The following SYNM variants were observed in gnomAD, a reference collection of about 807,000 sequenced individuals.
SYNM encodes the protein desmuslin.
Under a neutral mutation model 104.0 loss-of-function variants are expected in SYNM, and 95 were observed. That is an observed-to-expected ratio of 0.91 (90% CI 0.77 to 1.08). SYNM has a LOEUF of 1.08. SYNM is among the 50% of genes least tolerant of loss of function. The probability of loss-of-function intolerance (pLI) is 0.00; values close to 1 mark genes in which losing one functional copy is unlikely to be tolerated. For synonymous variants in SYNM, 918 were observed against 869.0 expected, an observed-to-expected ratio of 1.06 and a Z score of -0.99; for missense variants, 2,150 against 2,052.2, an observed-to-expected ratio of 1.05 and a Z score of -0.92.
At chr15:99,117,592 C>T (rs1484411148) in intron 2 of SYNM, among the ~76,000 whole-genome samples, 3 of 152,224 alleles carry the variant, frequency 2.0e-5, no homozygotes, top group Non-Finnish European at 4.4e-5. Flanking sequence ...TAATAGTTCT[C>T]TGAGTTAGAA....
chr15:99,110,130 G>T (rs892734503), intron 1 of SYNM, among the ~76,000 whole-genome samples: 1 of 152,352 alleles, frequency 6.6e-6, no homozygotes, highest in African/African-American at 2.4e-5. Context: ...CAGATTGAAT[G>T]TGATGGGAGA....
At chr15:99,116,004 G>C (rs782414926) in intron 2 of SYNM, among the ~76,000 whole-genome samples, 24 of 152,286 alleles carry the variant, frequency 1.6e-4, no homozygotes, top group African/African-American at 2.2e-4. Context: ...CTGCTAAGGG[G>C]TGAGGCCTTC....
At chr15:99,115,070 G>C (rs2067334798) in intron 2 of SYNM, among the ~76,000 whole-genome samples, 1 of 152,206 alleles carries the variant, frequency 6.6e-6, no homozygotes, top group Non-Finnish European at 1.5e-5. Context: ...GAGAGGCCGG[G>C]AGGTTGGGGC....
rs2067231275 is a variant in SYNM at position 99,105,774 on chromosome 15, C to T, written c.575C>T (p.Ala192Val). The T allele has an allele frequency of 6.5e-7, 1 of 1,541,548 alleles. No homozygotes were observed. Among genetic ancestry groups the T allele is most frequent in the Admixed American group, 2.0e-5 (1 of 50,758 alleles). Residue 192 changes from alanine (A) to valine (V), a missense_variant, in exon 1 of 4, where the codon GCC becomes GTC. Transcript: ENST00000336292. The part of the protein sequence containing the change: ...EVHDSYALLV[A>V]ESWRETVQLY... ...CACGACAGCTACGCACTGCTGGTGG[C>T]CGAGTCGTGGCGGGAGACGGTGCAG... is the stretch of plus-strand genomic sequence containing the variant.
rs996833107 is a variant in SYNM, at chr15:99,135,179, T to C, written c.*2121T>C. On this transcript the variant is annotated 3_prime_UTR_variant, in exon 4 of 4. Coordinates refer to ENST00000336292, the MANE Select transcript of SYNM (RefSeq NM_145728.3). ...GAAATATCTTGGATCTTAATTATCA[T>C]CTGCAAGTTTCAAGAAGTATTCTGC... is the stretch of plus-strand genomic sequence containing the variant. The C allele has an allele frequency of 3.9e-5, 6 of 152,782 alleles. 1 individual carries two copies. Among genetic ancestry groups the C allele is most frequent in the Admixed American group, 3.9e-4 (6 of 15,302 alleles). 9.5% of individuals were successfully genotyped at this position (152,782 alleles called of 1,614,324 possible).
chr15:99,132,452 C>A lies in SYNM; in HGVS notation c.4092C>A (p.Thr1364=), dbSNP rs561622976. Residue 1364 remains threonine (T), a synonymous_variant, in exon 4 of 4, where the codon ACC becomes ACA. Coordinates refer to ENST00000336292, the MANE Select transcript of SYNM (RefSeq NM_145728.3). ...ACAGTCATACCTCGGGTAGACAAAC[C>A]GTTATGACTGAAAAGAGCACCTTCC... is the stretch of plus-strand genomic sequence containing the variant. ...ATHSHTSGRQ[T]VMTEKSTFQS... 11 of 1,613,980 alleles carry A rather than the reference C, an allele frequency of 6.8e-6. No homozygotes were observed. The East Asian group carries it at 1.6e-4, about 23-fold the overall frequency.
chr15:99,129,306 G>A, intron 3 of SYNM, 61 bp from the exon 4 acceptor site: 2 of 1,578,760 alleles, frequency 1.3e-6, no homozygotes, highest in South Asian at 2.3e-5. Context: ...AACAATGCTT[G>A]TAGATGGAAA....
chr15:99,130,077 C>A lies in SYNM; in HGVS notation c.1717C>A (p.Arg573=), dbSNP rs782728980. The A allele has an allele frequency of 1.9e-5, 31 of 1,613,414 alleles. No homozygotes were observed. The South Asian group carries it at 3.3e-4, about 17-fold the overall frequency. Residue 573 remains arginine, a synonymous_variant, in exon 4 of 4, where the codon CGA becomes AGA. Coordinates refer to ENST00000336292, the MANE Select transcript of SYNM (RefSeq NM_145728.3). ...EKDSPKEKSV[R]EREVPISLEV... is the part of the protein sequence containing the mutation. ...GGACTCACCGAAGGAGAAGAGCGTG[C>A]GAGAGAGAGAGGTGCCGATTAGTCT...
chr15:99,121,543 G>T (rs1174043243), intron 2 of SYNM, among the ~76,000 whole-genome samples: 2 of 152,124 alleles, frequency 1.3e-5, no homozygotes, highest in African/African-American at 4.8e-5. Flanking sequence ...GTGAATAATC[G>T]GATGATAATT....
At chr15:99,118,090 T>C (rs868919244) in intron 2 of SYNM, among the ~76,000 whole-genome samples, 1 of 152,104 alleles carries the variant, frequency 6.6e-6, no homozygotes, top group South Asian at 2.1e-4. Context: ...CCCTGCTGGG[T>C]AGGATCGCTG....
intron 2 of SYNM, among the ~76,000 whole-genome samples, chr15:99,123,719 AC>A (rs2067422477): frequency 6.6e-6 from 1 of 152,104 alleles, no homozygotes; most frequent in Non-Finnish European, 1.5e-5. Context: ...CCCGTGAATC[AC>A]CCACAGGCCC....
intron 2 of SYNM, among the ~76,000 whole-genome samples, chr15:99,124,842 A>G (rs1477549400): frequency 5.3e-5 from 8 of 152,180 alleles, no homozygotes; most frequent in Admixed American, 5.2e-4. Context: ...GTGTAAGTAC[A>G]TGAGTGACCA....
In SYNM at chr15:99,132,689, C is replaced by G; in HGVS notation, c.4329C>G (p.Asp1443Glu). 1 of 1,614,032 alleles carries G rather than the reference C, an allele frequency of 6.2e-7. No individual in the cohort carries two copies. ...CCCCTGAGCTAGGCAAGTTAGCAGA[C>G]AGCAGCAGAACGCTAAGGCACATTG... ...ADSPELGKLA[D>E]SSRTLRHIAP... is the part of the protein sequence containing the mutation. Residue 1443 changes from aspartate to glutamate, a missense_variant, in exon 4 of 4, where the codon GAC becomes GAG. Transcript: ENST00000336292.
chr15:99,127,259 C>T (rs148186512), intron 3 of SYNM, among the ~76,000 whole-genome samples: 104 of 152,266 alleles, frequency 6.8e-4, no homozygotes, highest in Middle Eastern at 3.4e-3. Context: ...TTTACACCAC[C>T]CTAGGTTGTT....
chr15:99,110,939 G>C lies in SYNM; in HGVS notation c.811-2652G>C, dbSNP rs539254323. 5.9e-5 allele frequency among the ~76,000 whole-genome samples: 9 copies of C among 152,318 alleles called. 2 individuals are homozygous for C. In the South Asian group the frequency reaches 1.9e-3, roughly 32 times the overall value. On this transcript the variant is annotated intron_variant, in intron 1 of 3. Coordinates refer to ENST00000336292, the MANE Select transcript of SYNM (RefSeq NM_145728.3). ...AGTCTGAAGTTTTATTCCACAGCAGGATTTGTTGTGATTTCTGCAGAGACC... is the reference window on the plus strand; with the variant it reads ...AGTCTGAAGTTTTATTCCACAGCAGCATTTGTTGTGATTTCTGCAGAGACC...
rs1423999447 is a variant in SYNM, at chr15:99,105,653, G to A, written c.454G>A (p.Val152Met). The part of the protein sequence containing the change: ...RGLDAAHERD[V>M]RELRARAASL... ...CCTCGACGCGGCCCACGAACGCGAC[G>A]TGAGGGAGCTGCGCGCGCGCGCCGC... is the stretch of plus-strand genomic sequence containing the variant. Residue 152 changes from valine to methionine, a missense_variant, in exon 1 of 4, where the codon GTG becomes ATG. By Grantham distance (21) the Val-to-Met change is conservative. Coordinates refer to ENST00000336292, the MANE Select transcript of SYNM (RefSeq NM_145728.3). 3.6e-6 allele frequency: 5 copies of A among 1,389,100 alleles called. No homozygotes were observed. Among genetic ancestry groups the A allele is most frequent in the Non-Finnish European group, 4.7e-6 (5 of 1,072,200 alleles). 86.0% of individuals were successfully genotyped at this position (1,389,100 alleles called of 1,614,324 possible). A position where few individuals can be genotyped will look rare whatever the true frequency, so the allele number is the denominator to read the frequency against.
chr15:99,137,564 T>C (rs2067690696), downstream of SYNM: 2 of 153,554 alleles, frequency 1.3e-5, no homozygotes, highest in Admixed American at 1.3e-4. Flanking sequence ...TTATTAGCGT[T>C]TTCTTCTCAT....
chr15:99,141,503 G>A, the SYNM span, among the ~76,000 whole-genome samples: 3 of 152,134 alleles, frequency 2.0e-5, no homozygotes, highest in Admixed American at 2.0e-4. Flanking sequence ...TGAATGGTGA[G>A]TTCAAAGGTC....
At chr15:99,125,917 C>T (rs2067443244) in intron 2 of SYNM, among the ~76,000 whole-genome samples, 1 of 152,228 alleles carries the variant, frequency 6.6e-6, no homozygotes, top group Non-Finnish European at 1.5e-5. Context: ...TGGGACCACT[C>T]TCCTCAGCTC....
Sources: gnomAD v4.1 joint callset for allele counts (sites outside exome capture counted in the v4.1 genomes callset) on GRCh38, gnomAD v4.1.1 for gene constraint, MANE v1.5 for transcripts, NCBI Gene and HGNC (gene_info 2026-07-23, HGNC 2026-07-21) for gene names.